ATP10A: variants seen among roughly 807,000 people sequenced by gnomAD.
The protein encoded by ATP10A is phospholipid-transporting ATPase VA.
In ATP10A, 111 loss-of-function variants were observed where a neutral mutation model predicts 147.8. That is an observed-to-expected ratio of 0.75 (90% CI 0.64 to 0.88). The LOEUF (loss-of-function observed/expected upper bound fraction) is 0.88, where lower values mean the gene tolerates loss of function less well. Ranked by LOEUF, ATP10A falls within the 40% of genes least tolerant of loss-of-function variation. The pLI, the probability that ATP10A is intolerant of heterozygous loss-of-function variation, is 0.00. For missense variants in ATP10A, 1,927 were observed against 1,959.0 expected, an observed-to-expected ratio of 0.98 and a Z score of 0.31; for synonymous variants, 875 against 841.6, an observed-to-expected ratio of 1.04 and a Z score of -0.69.
chr15:25,718,534 A>AG, intron 7 of ATP10A, 135 bp from the exon 8 acceptor site: 3 of 856,760 alleles, frequency 3.5e-6, no homozygotes, highest in Non-Finnish European at 5.4e-6. Flanking sequence ...CTTGCTCTCT[A>AG]ATAGCAAGGC....
intron 2 of ATP10A, 52 bp downstream of exon 2, chr15:25,780,967 G>T: frequency 6.3e-7 from 1 of 1,575,442 alleles, no homozygotes; most frequent in Non-Finnish European, 8.7e-7. Flanking sequence ...CTGTCATGGG[G>T]ACACTGTGTG....
At chr15:25,675,793 A>G (rs974192169), downstream of ATP10A, among the ~76,000 whole-genome samples, 13 of 152,330 alleles carry the variant, frequency 8.5e-5, no homozygotes, top group African/African-American at 3.1e-4. Context: ...AAAAAATACA[A>G]AAATTAGCCG....
chr15:25,721,025 C>A (rs1902185445), intron 7 of ATP10A, among the ~76,000 whole-genome samples: 1 of 152,140 alleles, frequency 6.6e-6, no homozygotes, highest in Admixed American at 6.5e-5. Flanking sequence ...ACAGTGGTGG[C>A]GGGGACCCTG....
At chr15:25,847,664 ACT>A (rs1893087024) in intron 1 of ATP10A, among the ~76,000 whole-genome samples, 1 of 98,922 alleles carries the variant, frequency 1.0e-5, no homozygotes, top group Non-Finnish European at 1.8e-5. Context: ...ATAGAGTCTC[ACT>A]CTGTCACCTG....
intron 15 of ATP10A, chr15:25,688,090 T>C (rs1250009965): frequency 6.0e-6 from 3 of 498,272 alleles, no homozygotes; most frequent in Non-Finnish European, 1.1e-5. Context: ...GTGTCACTAA[T>C]GGGGTTTAAA....
intron 1 of ATP10A, among the ~76,000 whole-genome samples, chr15:25,839,824 C>T (rs1205037242): frequency 1.3e-5 from 2 of 152,204 alleles, no homozygotes; most frequent in Non-Finnish European, 2.9e-5. Flanking sequence ...CCTAAGGCCA[C>T]CATGCCCCAA....
chr15:25,843,711 G>A (rs1224517882), intron 1 of ATP10A, among the ~76,000 whole-genome samples: 2 of 152,134 alleles, frequency 1.3e-5, no homozygotes, highest in African/African-American at 2.4e-5. Flanking sequence ...CTGGTCCCCT[G>A]TAGAAAGACA....
chr15:25,824,807 T>C (rs1892049609), intron 1 of ATP10A, among the ~76,000 whole-genome samples: 1 of 152,188 alleles, frequency 6.6e-6, no homozygotes, highest in African/African-American at 2.4e-5. Flanking sequence ...GTGAGCTTTG[T>C]AGCGTTTTAC....
chr15:25,846,262 G>C (rs908169649), intron 1 of ATP10A, among the ~76,000 whole-genome samples: 1 of 152,142 alleles, frequency 6.6e-6, no homozygotes, highest in Non-Finnish European at 1.5e-5. Flanking sequence ...TGAAGGTATT[G>C]AATTCCACGG....
At chr15:25,740,527 A>G (rs1596796031) in intron 2 of ATP10A, among the ~76,000 whole-genome samples, 2 of 152,336 alleles carry the variant, frequency 1.3e-5, no homozygotes, top group Admixed American at 6.5e-5. Flanking sequence ...AAGACGTGGA[A>G]AACACACACA....
intron 12 of ATP10A, among the ~76,000 whole-genome samples, chr15:25,705,977 AGG>A (rs1900984958): frequency 1.3e-5 from 2 of 152,308 alleles, no homozygotes; most frequent in African/African-American, 4.8e-5. Context: ...AATCCACCTG[AGG>A]ATGACAGCGG....
chr15:25,694,425 T>C (rs1045494338), intron 14 of ATP10A, among the ~76,000 whole-genome samples: 3 of 152,196 alleles, frequency 2.0e-5, no homozygotes, highest in South Asian at 2.1e-4. Context: ...CGGAGGCTCA[T>C]GGTGACCAGA....
At chr15:25,849,622 G>A (rs1201160650) in intron 1 of ATP10A, among the ~76,000 whole-genome samples, 5 of 152,052 alleles carry the variant, frequency 3.3e-5, no homozygotes, top group Non-Finnish European at 7.4e-5. Context: ...GACCAGAAAC[G>A]GAGGAATTTA....
rs763578248 is a variant in ATP10A, at chr15:25,721,778, G to A, written c.1242C>T (p.Ile414=). ...DSQLQCRALN[I]TEDLGQIQYI... is the part of the protein sequence containing the mutation. The stretch of plus-strand genomic sequence containing the variant: ...ACTGTATCTGTCCTAAGTCTTCCGT[G>A]ATGTTCAGAGCTCGGCACTGCAGCT... The change falls in exon 7 of 21, where the codon ATC becomes ATT. Residue 414 remains isoleucine, a synonymous_variant. Transcript: ENST00000555815. 3.1e-6 allele frequency: 5 copies of A among 1,614,172 alleles called. No individual in the cohort carries two copies. The East Asian group carries it at 6.7e-5, about 22-fold the overall frequency.
At chr15:25,842,298 G>A (rs1210683578) in intron 1 of ATP10A, among the ~76,000 whole-genome samples, 1 of 152,140 alleles carries the variant, frequency 6.6e-6, no homozygotes, top group Non-Finnish European at 1.5e-5. Flanking sequence ...GCCTTCCTGT[G>A]CCCACACTGG....
chr15:25,851,045 T>TAA (rs1893274667), intron 1 of ATP10A, among the ~76,000 whole-genome samples: 1 of 151,638 alleles, frequency 6.6e-6, no homozygotes. Flanking sequence ...GAGGGGTGAG[T>TAA]GGGGATCTCG....
intron 3 of ATP10A, among the ~76,000 whole-genome samples, chr15:25,733,523 T>C (rs1887081035): frequency 6.6e-6 from 1 of 152,098 alleles, no homozygotes; most frequent in South Asian, 2.1e-4. Flanking sequence ...TGCCCCACAG[T>C]CACGGGGGCA....
intron 1 of ATP10A, among the ~76,000 whole-genome samples, chr15:25,808,704 C>T (rs933989439): frequency 6.6e-6 from 1 of 152,194 alleles, no homozygotes; most frequent in Non-Finnish European, 1.5e-5. Context: ...TTATAAGTAA[C>T]TACTGATTCC....
chr15:25,683,318 G>T lies in ATP10A; in HGVS notation c.3460C>A (p.Pro1154Thr). The T allele has an allele frequency of 6.2e-7, 1 of 1,614,134 alleles. No individual in the cohort carries two copies. The highest frequency in any genetic ancestry group is 1.1e-5 in the South Asian group (1 of 91,078). Residue 1154 changes from proline (P) to threonine (T), a missense_variant, in exon 17 of 21, where the codon CCG becomes ACG. Transcript: ENST00000555815. Reference sequence around the variant, plus strand: ...TTCTGGCCACTCTTGTAGAGCTGCGGGTTGGTCAGCAGCACATTGGCTGGC... The same window carrying T: ...TTCTGGCCACTCTTGTAGAGCTGCGTGTTGGTCAGCAGCACATTGGCTGGC... ...DVPANVLLTNPQLYKSGQNME... is the reference protein window; with the variant it reads ...DVPANVLLTNTQLYKSGQNME...
Sources: allele counts gnomAD v4.1 joint callset (sites outside exome capture counted in the v4.1 genomes callset), GRCh38; gene constraint gnomAD v4.1.1; transcripts MANE v1.5; gene names NCBI Gene and HGNC (gene_info 2026-07-23, HGNC 2026-07-21).